The following VANGL1 variants were observed in gnomAD, a reference collection of about 807,000 sequenced individuals.
VANGL1 encodes the protein vang-like protein 1.
Under a neutral mutation model 48.4 loss-of-function variants are expected in VANGL1, and 18 were observed. That is an observed-to-expected ratio of 0.37 (90% CI 0.26 to 0.55). The LOEUF is 0.55. VANGL1 is among the 20% of genes least tolerant of loss of function. VANGL1 has a pLI of 0.81. For missense variants in VANGL1, 667 were observed against 675.8 expected, an observed-to-expected ratio of 0.99 and a Z score of 0.14; for synonymous variants, 257 against 261.8, an observed-to-expected ratio of 0.98 and a Z score of 0.18.
chr1:115,679,158 C>A (rs1170283427), intron 4 of VANGL1, among the ~76,000 whole-genome samples: 2 of 152,186 alleles, frequency 1.3e-5, no homozygotes, highest in Non-Finnish European at 2.9e-5. Context: ...TCAACTTCAC[C>A]CTGAGATCTC....
intron 2 of VANGL1, among the ~76,000 whole-genome samples, chr1:115,659,157 G>C (rs919421517): frequency 6.6e-6 from 1 of 152,056 alleles, no homozygotes. Flanking sequence ...TTGTCCAAAG[G>C]TGAAGGGTGA....
chr1:115,689,401 G>A (rs549283363), intron 7 of VANGL1, among the ~76,000 whole-genome samples: 2 of 136,160 alleles, frequency 1.5e-5, no homozygotes, highest in Admixed American at 7.6e-5. Flanking sequence ...AGAGGCTGAG[G>A]CAGGTCAATC....
At chr1:115,677,709 G>A (rs1260622892) in intron 4 of VANGL1, among the ~76,000 whole-genome samples, 1 of 152,170 alleles carries the variant, frequency 6.6e-6, no homozygotes, top group African/African-American at 2.4e-5. Context: ...CCTCTATCTT[G>A]GGAAAATGCT....
intron 1 of VANGL1, among the ~76,000 whole-genome samples, chr1:115,647,569 G>T (rs980051699): frequency 2.0e-5 from 3 of 152,200 alleles, no homozygotes; most frequent in Admixed American, 2.0e-4. Flanking sequence ...ATCTTGGATA[G>T]GATAAGAGTT....
At chr1:115,674,534 C>G (rs1653094735) in intron 4 of VANGL1, among the ~76,000 whole-genome samples, 1 of 152,192 alleles carries the variant, frequency 6.6e-6, no homozygotes, top group Non-Finnish European at 1.5e-5. Flanking sequence ...GCAGATTTTA[C>G]TCTATGATGA....
intron 2 of VANGL1, among the ~76,000 whole-genome samples, chr1:115,656,161 A>G (rs1032844947): frequency 6.6e-6 from 1 of 152,214 alleles, no homozygotes; most frequent in African/African-American, 2.4e-5. Flanking sequence ...TTGGCTCGGT[A>G]TCCCTCAGTC....
Position 115,685,243 on chromosome 1 carries a change from A to G in VANGL1, c.1080-50A>G, listed in dbSNP as rs746770162. 1.6e-5 allele frequency: 26 copies of G among 1,602,608 alleles called. No homozygotes were observed. The African/African-American group carries it at 3.2e-4, about 20-fold the overall frequency. On this transcript the variant is annotated intron_variant, in intron 6 of 7. Coordinates refer to ENST00000355485, the MANE Select transcript of VANGL1 (RefSeq NM_138959.3). ...TAGACAAGCGTCATTCTGTTCTCAC[A>G]CCCTGTGGCAGGCACCATCCTGATT...
At chr1:115,666,510 A>C (rs1652795750) in intron 4 of VANGL1, among the ~76,000 whole-genome samples, 1 of 152,174 alleles carries the variant, frequency 6.6e-6, no homozygotes, top group Non-Finnish European at 1.5e-5. Context: ...ATTGTGCTGC[A>C]TGGCTCCCAG....
intron 4 of VANGL1, among the ~76,000 whole-genome samples, chr1:115,667,106 A>G (rs1008815378): frequency 2.0e-5 from 3 of 152,332 alleles, no homozygotes; most frequent in Non-Finnish European, 2.9e-5. Context: ...GCAGAATCAC[A>G]GGCTGTTGGC....
chr1:115,645,655 T>C (rs997911174), intron 1 of VANGL1, among the ~76,000 whole-genome samples: 4 of 152,204 alleles, frequency 2.6e-5, no homozygotes, highest in Admixed American at 2.0e-4. Context: ...ATTTCAATTG[T>C]CACTTTCCCC....
At chr1:115,650,748 A>C (rs1652108376) in intron 1 of VANGL1, among the ~76,000 whole-genome samples, 1 of 151,914 alleles carries the variant, frequency 6.6e-6, no homozygotes, top group Admixed American at 6.6e-5. Flanking sequence ...TTTATAGACA[A>C]TGAGACCACA....
rs143151008 is a variant in VANGL1 at position 115,663,028 on chromosome 1, G to A, written c.205-633G>A. ...TCTTGATCTCCTGACCTCCTGATCC[G>A]TCCGCCTCGGCCTTCCAAAGTACGG... On this transcript the variant is annotated intron_variant, in intron 3 of 7. Coordinates refer to ENST00000355485, the MANE Select transcript of VANGL1 (RefSeq NM_138959.3). Among the ~76,000 whole-genome samples, 613 of 152,174 alleles carry A rather than the reference G, an allele frequency of 4.0e-3. 2 individuals are homozygous for A. The highest frequency in any genetic ancestry group is 5.8e-3 in the Non-Finnish European group (391 of 67,998).
At chr1:115,668,669 T>C (rs193174961) in intron 4 of VANGL1, among the ~76,000 whole-genome samples, 102 of 152,370 alleles carry the variant, frequency 6.7e-4, no homozygotes, top group Non-Finnish European at 9.1e-4. Context: ...CCCATGGTCC[T>C]GTGTGATTAT....
chr1:115,662,086 C>T (rs1272981314), intron 3 of VANGL1, among the ~76,000 whole-genome samples: 1 of 152,120 alleles, frequency 6.6e-6, no homozygotes, highest in East Asian at 1.9e-4. Flanking sequence ...CTGCTTCTGG[C>T]CATCGTCTGA....
chr1:115,662,009 G>T (rs920203113), intron 3 of VANGL1, among the ~76,000 whole-genome samples: 5 of 152,250 alleles, frequency 3.3e-5, no homozygotes, highest in South Asian at 2.1e-4. Context: ...ATATGAAACC[G>T]CCAGAGTGGT....
chr1:115,683,494 T>G (rs1653468445), intron 5 of VANGL1, among the ~76,000 whole-genome samples: 1 of 152,218 alleles, frequency 6.6e-6, no homozygotes, highest in Admixed American at 6.5e-5. Context: ...TCATGTCCTT[T>G]GACTTTCTTT....
chr1:115,681,860 A>G (rs1004104853), intron 4 of VANGL1, among the ~76,000 whole-genome samples: 8 of 152,164 alleles, frequency 5.3e-5, no homozygotes, highest in Non-Finnish European at 1.2e-4. Flanking sequence ...TCTGGTCTGT[A>G]TAAAACCTAA....
chr1:115,681,145 G>A (rs1388703119), intron 4 of VANGL1, among the ~76,000 whole-genome samples: 1 of 152,188 alleles, frequency 6.6e-6, no homozygotes, highest in African/African-American at 2.4e-5. Context: ...TACCTCGAAT[G>A]ATTGTGAGGG....
rs1247564900 is a variant in VANGL1, at chr1:115,691,282, A to T, written c.1478A>T (p.Asn493Ile). Residue 493 changes from asparagine to isoleucine, a missense_variant, in exon 8 of 8, where the codon AAT (asparagine) becomes ATT (isoleucine). Asn to Ile is a moderately radical substitution (Grantham distance 149). Transcript: ENST00000355485. ...TGCTTGGACTTCAGCCTCGTAGTCA[A>T]TGTGAAGAAAATTCCATTCATCATA... ...LKCLDFSLVV[N>I]VKKIPFIILS... 1.2e-6 allele frequency: 2 copies of T among 1,614,044 alleles called. No individual in the cohort carries two copies. Among genetic ancestry groups the T allele is most frequent in the African/African-American group, 2.7e-5 (2 of 74,916 alleles).
Sources: allele counts gnomAD v4.1 joint callset (sites outside exome capture counted in the v4.1 genomes callset), GRCh38; gene constraint gnomAD v4.1.1; transcripts MANE v1.5; gene names NCBI Gene and HGNC (gene_info 2026-07-23, HGNC 2026-07-21).